The following SLC4A11 variants were observed in gnomAD, a reference collection of about 807,000 sequenced individuals.
SLC4A11 encodes solute carrier family 4 member 11.
A neutral mutation model predicts 95.0 loss-of-function variants in SLC4A11; 74 were observed. The observed-to-expected ratio is 0.78, with a 90% CI of 0.65 to 0.95. The LOEUF is 0.95. Among genes scored for constraint, SLC4A11 ranks in the 40% least tolerant of loss-of-function variants. The pLI is 0.00. For missense variants in SLC4A11, 1,081 were observed against 1,192.4 expected, an observed-to-expected ratio of 0.91 and a Z score of 1.38; for synonymous variants, 548 against 519.0, an observed-to-expected ratio of 1.06 and a Z score of -0.76.
Position 3,234,269 on chromosome 20 carries a change from C to T in SLC4A11, c.337G>A (p.Asp113Asn). The stretch of plus-strand genomic sequence containing the variant: ...GCCTGCGCCAGGAAGCCATCTAGGT[C>T]GCGGTGCGCACGGATCTCTTCCTTG... ...NFKEEIRAHR[D>N]LDGFLAQASI... is the part of the protein sequence containing the mutation. The change falls in exon 5 of 20, where the codon GAC (aspartate) becomes AAC (asparagine). Residue 113 changes from aspartate to asparagine, a missense_variant. Asp to Asn is a conservative substitution (Grantham distance 23). Coordinates refer to ENST00000642402, the MANE Select transcript of SLC4A11 (RefSeq NM_001174089.2). This position sits in a 1 kb window ranked among gnomAD's most constrained non-coding sequence, Gnocchi z 5.8. 3.1e-6 allele frequency: 5 copies of T among 1,614,012 alleles called. No homozygotes were observed. Among genetic ancestry groups the T allele is most frequent in the Non-Finnish European group, 4.2e-6 (5 of 1,180,012 alleles).
rs2068020828 is a variant in SLC4A11, at chr20:3,237,551, C to T, written c.81G>A (p.Glu27=). Residue 27 remains glutamate, a synonymous_variant, in exon 2 of 20, where the codon GAG becomes GAA. Transcript: ENST00000642402. ...SPTMSQNGYF[E]DSSYYKCDTD... ...TCCCCGAGAGGTACTCACTTGAATCCTCGAAGTATCCATTCTGCGACATGG... is the reference window on the plus strand; with the variant it reads ...TCCCCGAGAGGTACTCACTTGAATCTTCGAAGTATCCATTCTGCGACATGG... 6 of 1,613,958 alleles carry T rather than the reference C, an allele frequency of 3.7e-6. No individual in the cohort carries two copies. In the African/African-American group the frequency reaches 4.0e-5, roughly 11 times the overall value.
rs1265878257 is a variant in SLC4A11 at position 3,230,535 on chromosome 20, C to A, written c.1395G>T (p.Leu465=). The A allele has an allele frequency of 1.2e-6, 2 of 1,613,934 alleles. No homozygotes were observed. Among genetic ancestry groups the A allele is most frequent in the Non-Finnish European group, 1.7e-6 (2 of 1,180,030 alleles). ...GTCACCTCTTGAAGAGACTCATGAC[C>A]AGGCTGAGGTTGAAAAAGGCATAAA... ...LALYAFFNLS[L]VMSLFKRSTE... The change falls in exon 12 of 20, where the codon CTG becomes CTT. Residue 465 remains leucine (L), a synonymous_variant. Coordinates refer to ENST00000642402, the MANE Select transcript of SLC4A11 (RefSeq NM_001174089.2).
chr20:3,239,295 G>T, upstream of SLC4A11: 1 of 1,176,268 alleles, frequency 8.5e-7, no homozygotes, highest in Non-Finnish European at 1.0e-6. Flanking sequence ...GCCCGGGCGC[G>T]GTAGGCAGAG....
At chr20:3,237,716 C>T in intron 1 of SLC4A11, 128 bp from the exon 2 acceptor site, 2 of 1,613,968 alleles carry the variant, frequency 1.2e-6, no homozygotes, top group Non-Finnish European at 8.5e-7. Flanking sequence ...CCACGCCACC[C>T]TAGGGAGAAA....
In SLC4A11 at chr20:3,230,851, G is replaced by A. The variant is rs1463545596; in HGVS notation, c.1169-6C>T. On this transcript the variant is annotated splice_region_variant and splice_polypyrimidine_tract_variant and intron_variant, in intron 10 of 19. Coordinates refer to ENST00000642402, the MANE Select transcript of SLC4A11 (RefSeq NM_001174089.2). The stretch of plus-strand genomic sequence containing the variant: ...GGCTATGGTCTTCTGCACGTCTGTG[G>A]GGGTGCGGAGGTCAGGTGGGCGCCG... 3 of 1,613,142 alleles carry A rather than the reference G, an allele frequency of 1.9e-6. No homozygotes were observed. Among genetic ancestry groups the A allele is most frequent in the Non-Finnish European group, 2.5e-6 (3 of 1,179,926 alleles).
At chr20:3,229,924 G>T (rs2067696628) in intron 13 of SLC4A11, 148 bp from the exon 14 acceptor site, 2 of 1,204,800 alleles carry the variant, frequency 1.7e-6, no homozygotes, top group Non-Finnish European at 1.2e-6. Context: ...CCTGCCCACT[G>T]TCCCTGTCCC....
rs41281860 is a variant in SLC4A11, at chr20:3,229,655, G to A, written c.1611C>T (p.Asn537=). ...CCGTGGGGCTGGCGAGGAAGCTGGC[G>A]TTGAGGGCAGTGTGGAGGCTGGCGT... The part of the protein sequence containing the change: ...SLNASLHTAL[N]ASFLASPTEL... The change falls in exon 14 of 20, where the codon AAC becomes AAT. Residue 537 remains asparagine (N), a synonymous_variant. Coordinates refer to ENST00000642402, the MANE Select transcript of SLC4A11 (RefSeq NM_001174089.2). 0.11 allele frequency: 178,482 copies of A among 1,613,742 alleles called. 11,084 individuals carry two copies. The highest frequency in any genetic ancestry group is 0.13 in the Non-Finnish European group (148,436 of 1,179,964).
rs1321791552 is a variant in SLC4A11, at chr20:3,237,652, T to G, written c.44-64A>C. On this transcript the variant is annotated intron_variant, in intron 1 of 19. Coordinates refer to ENST00000642402, the MANE Select transcript of SLC4A11 (RefSeq NM_001174089.2). ...AAGCCCTGGACCTCCTGTGTGCACCTGTCTCCCCGCCCCCCGACCTGGCTC... is the reference window on the plus strand; with the variant it reads ...AAGCCCTGGACCTCCTGTGTGCACCGGTCTCCCCGCCCCCCGACCTGGCTC... The G allele has an allele frequency of 6.2e-7, 1 of 1,614,040 alleles. No individual in the cohort carries two copies. The highest frequency in any genetic ancestry group is 2.2e-5 in the East Asian group (1 of 44,862).
rs1165815994 is a variant in SLC4A11 at position 3,234,363 on chromosome 20, T to C, written c.292-49A>G. On this transcript the variant is annotated intron_variant, in intron 4 of 19. Transcript: ENST00000642402. The surrounding 1 kb of genome is among the most constrained non-coding windows in gnomAD (Gnocchi z 5.8). ...CCACACGGGCCCATGTATGAGATGC[T>C]GTCACTGCCTGGTCCCTCCCTCCCA... The C allele has an allele frequency of 1.3e-6, 2 of 1,564,276 alleles. No individual in the cohort carries two copies. Among genetic ancestry groups the C allele is most frequent in the Non-Finnish European group, 1.8e-6 (2 of 1,139,596 alleles).
intron 1 of SLC4A11, chr20:3,238,883 T>A: frequency 1.6e-6 from 2 of 1,250,110 alleles, no homozygotes; most frequent in South Asian, 2.8e-5. Flanking sequence ...AGAGCCCTAA[T>A]GAAACCAAGC....
chr20:3,239,464 G>T (rs186140534), upstream of SLC4A11: 153 of 1,031,428 alleles, frequency 1.5e-4, 2 homozygotes, highest in East Asian at 0.011. Flanking sequence ...CAGACCCAGC[G>T]TCGCGAGTTT....
At chr20:3,238,865 G>C (rs1262614449) in intron 1 of SLC4A11, 3 of 1,222,880 alleles carry the variant, frequency 2.5e-6, no homozygotes, top group Non-Finnish European at 2.0e-6. Flanking sequence ...ATTCAAGACG[G>C]CGACAGCAGA....
rs747289974 is a variant in SLC4A11, at chr20:3,228,977, G to A, written c.2053C>T (p.Leu685=). Reference sequence around the variant, plus strand: ...CCTGTGTTGATGATGGCGAGGAGCAGGAGGTCCCAGTGGTAGGCAGTGCCC... The same window carrying A: ...CCTGTGTTGATGATGGCGAGGAGCAAGAGGTCCCAGTGGTAGGCAGTGCCC... ...VKGTAYHWDL[L]LLAIINTGLS... is the part of the protein sequence containing the mutation. Residue 685 remains leucine (L), a synonymous_variant, in exon 17 of 20, where the codon CTG becomes TTG. Coordinates refer to ENST00000642402, the MANE Select transcript of SLC4A11 (RefSeq NM_001174089.2). 75 of 1,613,668 alleles carry A rather than the reference G, an allele frequency of 4.6e-5. No individual in the cohort carries two copies. The highest frequency in any genetic ancestry group is 3.2e-4 in the Admixed American group (19 of 60,004).
intron 1 of SLC4A11, 74 bp from the exon 2 acceptor site, chr20:3,237,662 C>T: frequency 6.2e-7 from 1 of 1,613,986 alleles, no homozygotes; most frequent in Non-Finnish European, 8.5e-7. Context: ...TGTCTCCCCG[C>T]CCCCCGACCT....
In SLC4A11 at chr20:3,228,649, G is replaced by A; in HGVS notation, c.2251C>T (p.Leu751=). 6.2e-7 allele frequency: 1 copy of A among 1,613,026 alleles called. No homozygotes were observed. The highest frequency in any genetic ancestry group is 8.5e-7 in the Non-Finnish European group (1 of 1,179,928). ...GGGACCGGCAGCAGCAACAGGGACA[G>A]GCCCACCAGGACGCTGGCGCCCAGC... The part of the protein sequence containing the change: ...TSLGASVLVG[L]SLLLLPVPLQ... The change falls in exon 18 of 20, where the codon CTG becomes TTG. Residue 751 remains leucine (L), a synonymous_variant. Transcript: ENST00000642402.
At chr20:3,239,491 CG>C, upstream of SLC4A11, 1 of 1,006,842 alleles carries the variant, frequency 9.9e-7, no homozygotes, top group Non-Finnish European at 1.2e-6. Context: ...TGGACGGGGC[CG>C]GGGAGCTTCT....
chr20:3,237,445 G>A (rs2068016552), intron 2 of SLC4A11, 99 bp downstream of exon 2: 4 of 1,281,664 alleles, frequency 3.1e-6, no homozygotes, highest in East Asian at 2.3e-5. Flanking sequence ...CCAGATAGGC[G>A]AGCAAAGCCA....
In SLC4A11 at chr20:3,231,392, G is replaced by A. The variant is rs747322126; in HGVS notation, c.886C>T (p.Pro296Ser). ...RQLLTMVSHG[P>S]VAPRTKERST... Reference sequence around the variant, plus strand: ...CGTTCCTTCGTTCTCGGCGCCACTGGACCGTGGCTCACCATGGTGAGCAGC... The same window carrying A: ...CGTTCCTTCGTTCTCGGCGCCACTGAACCGTGGCTCACCATGGTGAGCAGC... Residue 296 changes from proline (P) to serine (S), a missense_variant, in exon 8 of 20, where the codon CCA becomes TCA. Physicochemically the swap from Pro to Ser is moderately conservative, Grantham distance 74. Transcript: ENST00000642402. The surrounding 1 kb of genome is among the most constrained non-coding windows in gnomAD (Gnocchi z 5.2). The A allele has an allele frequency of 1.2e-6, 2 of 1,614,096 alleles. No homozygotes were observed. Among genetic ancestry groups the A allele is most frequent in the South Asian group, 2.2e-5 (2 of 91,072 alleles).
In SLC4A11 at chr20:3,230,219, AACG is replaced by A. The variant is rs1394033076; in HGVS notation, c.1454_1456del (p.Thr485_Phe486delinsIle). 6.2e-7 allele frequency: 1 copy of A among 1,613,404 alleles called. No individual in the cohort carries two copies. Among genetic ancestry groups the A allele is most frequent in the Non-Finnish European group, 8.5e-7 (1 of 1,180,000 alleles). ...CGTGCCCTTGACGGCATCCAGCACA[AACG>A]TGATGGAAATGAAGAGGGCGATGAT... On this transcript the variant is annotated inframe_deletion, in exon 13 of 20. Coordinates refer to ENST00000642402, the MANE Select transcript of SLC4A11 (RefSeq NM_001174089.2).
Sources: allele counts gnomAD v4.1 joint callset, GRCh38; gene constraint gnomAD v4.1.1; non-coding constraint Gnocchi (gnomAD v3.1); transcripts MANE v1.5; gene names NCBI Gene and HGNC (gene_info 2026-07-23, HGNC 2026-07-21).